The following GATA6 variants were observed in gnomAD, a reference collection of about 807,000 sequenced individuals.
The protein encoded by GATA6 is transcription factor GATA-6.
A neutral mutation model predicts 48.1 loss-of-function variants in GATA6; 11 were observed. The observed-to-expected ratio is 0.23, with a 90% confidence interval of 0.14 to 0.38. The LOEUF (loss-of-function observed/expected upper bound fraction) is 0.38, where lower values mean the gene tolerates loss of function less well. Ranked by LOEUF, GATA6 falls within the 10% of genes least tolerant of loss-of-function variation. The pLI, the probability that GATA6 is intolerant of heterozygous loss-of-function variation, is 1.00. For synonymous variants in GATA6, 419 were observed against 396.1 expected (o/e 1.06, Z -0.69); for missense variants, 795 against 850.3 (o/e 0.93, Z 0.81).
chr18:22,195,930 C>T (rs2033383770), intron 6 of GATA6, among the ~76,000 whole-genome samples: 1 of 152,168 alleles, frequency 6.6e-6, no homozygotes, highest in Non-Finnish European at 1.5e-5. Flanking sequence ...CCTTTCCCTT[C>T]TTTTGAATTA....
chr18:22,178,123 G>A (rs2033150075), intron 3 of GATA6, among the ~76,000 whole-genome samples: 1 of 151,658 alleles, frequency 6.6e-6, no homozygotes, highest in Admixed American at 6.6e-5. Flanking sequence ...CACCACGCCC[G>A]GCTCATTTTT....
intron 6 of GATA6, among the ~76,000 whole-genome samples, chr18:22,198,066 C>G (rs919529586): frequency 1.0e-5 from 1 of 97,288 alleles, no homozygotes; most frequent in Non-Finnish European, 2.0e-5. Context: ...TTTTTCTTCT[C>G]TTTCTTTCTT....
At chr18:22,193,830 G>A (rs1439118248) in intron 6 of GATA6, among the ~76,000 whole-genome samples, 1 of 152,172 alleles carries the variant, frequency 6.6e-6, no homozygotes. Context: ...ATTTATGCAT[G>A]TAATCCACAA....
Position 22,185,692 on chromosome 18 carries a change from T to C in GATA6, c.1620+2649T>C, listed in dbSNP as rs2033254532. On this transcript the variant is annotated intron_variant, in intron 6 of 6. Coordinates refer to ENST00000269216, the MANE Select transcript of GATA6 (RefSeq NM_005257.6). The surrounding 1 kb of genome is among the most constrained non-coding windows in gnomAD (Gnocchi z 4.3). ...CATTGTGGGGAAACAGCTACTCGTC[T>C]GCTGGCTGCCTTTGGAAGCTGTCCC... 6.6e-6 allele frequency among the ~76,000 whole-genome samples: 1 copy of C among 152,266 alleles called. No homozygotes were observed. Among genetic ancestry groups the C allele is most frequent in the Non-Finnish European group, 1.5e-5 (1 of 68,050 alleles).
In GATA6 at chr18:22,200,674, A is replaced by T; in HGVS notation, c.1639A>T (p.Thr547Ser). The change falls in exon 7 of 7, where the codon ACT becomes TCT. Residue 547 changes from threonine to serine, a missense_variant. Transcript: ENST00000269216. ...TASGAGAPVM[T>S]GAGESTNPEN... Reference sequence around the variant, plus strand: ...CTGCCAGGCGGGTGCCCCGGTGATGACTGGTGCGGGAGAGAGCACCAATCC... The same window carrying T: ...CTGCCAGGCGGGTGCCCCGGTGATGTCTGGTGCGGGAGAGAGCACCAATCC... The T allele has an allele frequency of 6.2e-7, 1 of 1,614,178 alleles. No individual in the cohort carries two copies. Among genetic ancestry groups the T allele is most frequent in the Non-Finnish European group, 8.5e-7 (1 of 1,180,012 alleles).
chr18:22,180,695 A>C (rs2143298548), intron 3 of GATA6, among the ~76,000 whole-genome samples: 1 of 151,986 alleles, frequency 6.6e-6, no homozygotes, highest in East Asian at 1.9e-4. Context: ...TTTTTAAAAA[A>C]AACTTTTACC....
In GATA6 at chr18:22,201,712, T is replaced by G. The variant is rs1447151842; in HGVS notation, c.*889T>G. The G allele has an allele frequency of 1.3e-5, 2 of 152,672 alleles. No homozygotes were observed. Among genetic ancestry groups the G allele is most frequent in the African/African-American group, 4.8e-5 (2 of 41,474 alleles). 9.5% of individuals were successfully genotyped at this position (152,672 alleles called of 1,614,324 possible). On this transcript the variant is annotated 3_prime_UTR_variant, in exon 7 of 7. Transcript: ENST00000269216. Reference sequence around the variant, plus strand: ...CTCAGGAAAATTGCCTTTCTCTATTTGTTAAGAATTTTTATACAAGAACAC... The same window carrying G: ...CTCAGGAAAATTGCCTTTCTCTATTGGTTAAGAATTTTTATACAAGAACAC...
chr18:22,187,060 GTTAAAC>G (rs1337324864), intron 6 of GATA6, among the ~76,000 whole-genome samples: 2 of 152,152 alleles, frequency 1.3e-5, no homozygotes, highest in South Asian at 2.1e-4. Context: ...AAAAATGTAT[GTTAAAC>G]TTAAATTTTT....
At chr18:22,175,109 A>G (rs2033104786) in intron 2 of GATA6, among the ~76,000 whole-genome samples, 1 of 152,166 alleles carries the variant, frequency 6.6e-6, no homozygotes, top group Non-Finnish European at 1.5e-5. Context: ...GCAAGCCCCC[A>G]GCTTTTATAT....
chr18:22,181,747 T>C (rs780306328), intron 4 of GATA6, among the ~76,000 whole-genome samples, 169 bp downstream of exon 4: 36 of 152,322 alleles, frequency 2.4e-4, no homozygotes, highest in Non-Finnish European at 4.7e-4. Context: ...AATATATTTA[T>C]TGAATTGAAG....
At chr18:22,188,943 C>T (rs1021403473) in intron 6 of GATA6, among the ~76,000 whole-genome samples, 3 of 152,146 alleles carry the variant, frequency 2.0e-5, no homozygotes, top group African/African-American at 7.2e-5. Flanking sequence ...AAATGTGTTT[C>T]CTCACCTTTG....
intron 6 of GATA6, among the ~76,000 whole-genome samples, chr18:22,187,974 C>G (rs748085977): frequency 6.6e-6 from 1 of 151,830 alleles, no homozygotes; most frequent in African/African-American, 2.4e-5. Flanking sequence ...CAGTGGCTCA[C>G]GCCTGTAATC....
In GATA6 at chr18:22,178,955, A is replaced by C. The variant is rs1320484899; in HGVS notation, c.1302+1834A>C. Among the ~76,000 whole-genome samples the C allele has an allele frequency of 3.3e-5, 5 of 152,312 alleles. No homozygotes were observed. In the East Asian group the frequency reaches 9.6e-4, roughly 29 times the overall value. On this transcript the variant is annotated intron_variant, in intron 3 of 6. Transcript: ENST00000269216. ...AACATTTTCTAGAGATTGAGCAAAAATTTGGTGGAATAGTAGTCATTTAGG... is the reference window on the plus strand; with the variant it reads ...AACATTTTCTAGAGATTGAGCAAAACTTTGGTGGAATAGTAGTCATTTAGG...
Position 22,201,606 on chromosome 18 carries a change from C to T in GATA6, c.*783C>T, listed in dbSNP as rs2033463116. 1 of 152,620 alleles carries T rather than the reference C, an allele frequency of 6.6e-6. No individual in the cohort carries two copies. The highest frequency in any genetic ancestry group is 2.1e-4 in the South Asian group (1 of 4,832). The allele number at this position is 152,620 out of a possible 1,614,324, so 9.5% of individuals were successfully genotyped here. ...TTTAAAAGAAAAATGTTAACTTAGACATTCTTATGCTTCTTTTACAACTAC... is the reference window on the plus strand; with the variant it reads ...TTTAAAAGAAAAATGTTAACTTAGATATTCTTATGCTTCTTTTACAACTAC... On this transcript the variant is annotated 3_prime_UTR_variant, in exon 7 of 7. Transcript: ENST00000269216.
In GATA6 at chr18:22,170,409, G is replaced by A. The variant is rs902007259; in HGVS notation, c.-37-699G>A. Among the ~76,000 whole-genome samples the A allele has an allele frequency of 6.6e-6, 1 of 152,216 alleles. No homozygotes were observed. Among genetic ancestry groups the A allele is most frequent in the Non-Finnish European group, 1.5e-5 (1 of 68,036 alleles). On this transcript the variant is annotated intron_variant, in intron 1 of 6. Transcript: ENST00000269216. This position sits in a 1 kb window ranked among gnomAD's most constrained non-coding sequence, Gnocchi z 6.7. ...GGGGCTGGCGATTCCCGCCCCACAA[G>A]CTCTCCGCATTGCCTCTGCTGGGAA... is the stretch of plus-strand genomic sequence containing the variant.
chr18:22,200,913 T>A lies in GATA6; in HGVS notation c.*90T>A, dbSNP rs1306488968. ...GTGCAGCGGTCCAGACAGTGGCGACTGCGCTGACAGAACGTGATTCTCGTG... is the reference window on the plus strand; with the variant it reads ...GTGCAGCGGTCCAGACAGTGGCGACAGCGCTGACAGAACGTGATTCTCGTG... On this transcript the variant is annotated 3_prime_UTR_variant, in exon 7 of 7. Transcript: ENST00000269216. The A allele has an allele frequency of 7.6e-7, 1 of 1,321,938 alleles. No homozygotes were observed. The highest frequency in any genetic ancestry group is 1.0e-6 in the Non-Finnish European group (1 of 956,418). 81.9% of individuals were successfully genotyped at this position (1,321,938 alleles called of 1,614,324 possible).
In GATA6 at chr18:22,170,441, A is replaced by T. The variant is rs2143270820; in HGVS notation, c.-37-667A>T. Among the ~76,000 whole-genome samples, 1 of 152,284 alleles carries T rather than the reference A, an allele frequency of 6.6e-6. No individual in the cohort carries two copies. The highest frequency in any genetic ancestry group is 1.9e-4 in the East Asian group (1 of 5,174). ...GCATTGCCTCTGCTGGGAAGGACCC[A>T]GACTGCTGCCCCCGCCCTGGCGTCC... On this transcript the variant is annotated intron_variant, in intron 1 of 6. Coordinates refer to ENST00000269216, the MANE Select transcript of GATA6 (RefSeq NM_005257.6). The surrounding 1 kb of genome is among the most constrained non-coding windows in gnomAD (Gnocchi z 6.7).
At chr18:22,200,501 A>T (rs1273325329) in intron 6 of GATA6, 155 bp from the exon 7 acceptor site, 1 of 915,292 alleles carries the variant, frequency 1.1e-6, no homozygotes, top group Non-Finnish European at 1.8e-6. Flanking sequence ...AGGGGATAGT[A>T]ACGCCGGCTT....
chr18:22,196,216 C>G (rs1238191622), intron 6 of GATA6, among the ~76,000 whole-genome samples: 1 of 152,142 alleles, frequency 6.6e-6, no homozygotes, highest in African/African-American at 2.4e-5. Context: ...CTGACAGGCT[C>G]AGCTATTGCT....
Sources: allele counts gnomAD v4.1 joint callset (sites outside exome capture counted in the v4.1 genomes callset), GRCh38; gene constraint gnomAD v4.1.1; non-coding constraint Gnocchi (gnomAD v3.1); transcripts MANE v1.5; gene names NCBI Gene and HGNC (gene_info 2026-07-23, HGNC 2026-07-21).